DUS2: variants seen among roughly 807,000 people sequenced by gnomAD.
DUS2 encodes the protein tRNA-dihydrouridine(20) synthase [NAD(P)+]-like.
In DUS2, 52 loss-of-function variants were observed where a neutral mutation model predicts 71.3. That is an observed-to-expected ratio of 0.73 (90% CI 0.58 to 0.92). The LOEUF (loss-of-function observed/expected upper bound fraction) is 0.92. DUS2 is among the 40% of genes least tolerant of loss of function. DUS2 has a pLI of 0.00. For missense variants in DUS2, 558 were observed against 622.6 expected (o/e 0.90, Z 1.10); for synonymous variants, 204 against 227.8 (o/e 0.90, Z 0.94).
At chr16:68,045,362 T>C (rs960837890) in intron 3 of DUS2, among the ~76,000 whole-genome samples, 2 of 151,808 alleles carry the variant, frequency 1.3e-5, no homozygotes, top group East Asian at 2.0e-4. Flanking sequence ...TCCCAGCACT[T>C]TGGGAGACCG....
At chr16:68,054,155 G>GTAACAAT (rs1468985014) in intron 5 of DUS2, 2 of 206,590 alleles carry the variant, frequency 9.7e-6, no homozygotes, top group Non-Finnish European at 9.8e-6. Flanking sequence ...TGTTAACAAT[G>GTAACAAT]GGTAACCATG....
intron 7 of DUS2, among the ~76,000 whole-genome samples, chr16:68,059,456 G>T (rs1159498207): frequency 6.6e-6 from 1 of 152,186 alleles, no homozygotes; most frequent in East Asian, 1.9e-4. Flanking sequence ...GGCTGGATAC[G>T]TGTGAGTGGA....
intron 2 of DUS2, among the ~76,000 whole-genome samples, chr16:68,031,723 C>G (rs1388930334): frequency 6.6e-6 from 1 of 151,904 alleles, no homozygotes; most frequent in Non-Finnish European, 1.5e-5. Flanking sequence ...GAGATGGAAT[C>G]TCACTCTGTT....
At chr16:68,035,882 TTTTATATATATATATATATATATATA>T (rs1567470015) in intron 2 of DUS2, among the ~76,000 whole-genome samples, 1 of 75,218 alleles carries the variant, frequency 1.3e-5, no homozygotes, top group East Asian at 3.3e-4. Flanking sequence ...ATCCCGCTAA[TTTTATATATATATATATATATATATA>T]TATATATATA....
intron 2 of DUS2, among the ~76,000 whole-genome samples, chr16:68,025,795 T>C (rs2033339990): frequency 6.6e-6 from 1 of 152,134 alleles, no homozygotes; most frequent in South Asian, 2.1e-4. Context: ...GGTATCCTTA[T>C]TGTGAAAAAA....
chr16:68,026,298 T>A (rs2033349134), intron 2 of DUS2, among the ~76,000 whole-genome samples: 1 of 152,042 alleles, frequency 6.6e-6, no homozygotes, highest in African/African-American at 2.4e-5. Context: ...GCCGAGAAAT[T>A]GGTATTTTTA....
intron 13 of DUS2, 100 bp from the exon 14 acceptor site, chr16:68,075,255 T>G (rs1358393224): frequency 8.3e-7 from 1 of 1,205,766 alleles, no homozygotes; most frequent in African/African-American, 1.5e-5. Flanking sequence ...TTGGTGTATG[T>G]GGTAGAGGAG....
At chr16:68,062,490 C>T (rs1207945141) in intron 8 of DUS2, among the ~76,000 whole-genome samples, 1 of 151,732 alleles carries the variant, frequency 6.6e-6, no homozygotes, top group African/African-American at 2.4e-5. Context: ...GAGGCTGAGG[C>T]GGGCAGATCA....
rs536595606 is a variant in DUS2, at chr16:68,074,072, C to T, written c.849C>T (p.Tyr283=). The T allele has an allele frequency of 6.2e-7, 1 of 1,614,218 alleles. No individual in the cohort carries two copies. The highest frequency in any genetic ancestry group is 8.5e-7 in the Non-Finnish European group (1 of 1,180,022). The change falls in exon 13 of 17, where the codon TAC becomes TAT. Residue 283 remains tyrosine, a synonymous_variant. Coordinates refer to ENST00000565263, the MANE Select transcript of DUS2 (RefSeq NM_017803.5). ...ACAACCACTACACCAACACCAAGTACTGCTTGTGCCAGATGCTACGAGAAC... is the reference window on the plus strand; with the variant it reads ...ACAACCACTACACCAACACCAAGTATTGCTTGTGCCAGATGCTACGAGAAC... The part of the protein sequence containing the change: ...QYDNHYTNTK[Y]CLCQMLREQL...
Position 68,070,139 on chromosome 16 carries a change from G to T in DUS2, c.560G>T (p.Arg187Leu). ...CCCATCTTTCTATCTCCAAGGAAGC[G>T]GGAGGAGCGACCTCAGCATCCTGTC... is the stretch of plus-strand genomic sequence containing the variant. ...IAAIAVHGRK[R>L]EERPQHPVSC... The change falls in exon 11 of 17, where the codon CGG becomes CTG. Residue 187 changes from arginine to leucine, a missense_variant. By Grantham distance (102) the Arg-to-Leu change is moderately radical (BLOSUM62 -2). Transcript: ENST00000565263. 1.2e-6 allele frequency: 2 copies of T among 1,614,010 alleles called. No homozygotes were observed. Among genetic ancestry groups the T allele is most frequent in the Non-Finnish European group, 8.5e-7 (1 of 1,179,932 alleles).
At chr16:68,032,534 A>T (rs918606757) in intron 2 of DUS2, among the ~76,000 whole-genome samples, 1 of 152,170 alleles carries the variant, frequency 6.6e-6, no homozygotes, top group African/African-American at 2.4e-5. Context: ...TTCTGTAGGG[A>T]CGTATCTTCA....
chr16:68,072,709 G>T (rs1384841176), intron 12 of DUS2, among the ~76,000 whole-genome samples: 2 of 152,176 alleles, frequency 1.3e-5, no homozygotes, highest in Non-Finnish European at 2.9e-5. Flanking sequence ...ATAGGGGGTG[G>T]GGGATGGGAG....
chr16:68,025,620 G>C (rs566471612), intron 2 of DUS2, 126 bp downstream of exon 2: 2 of 152,162 alleles, frequency 1.3e-5, no homozygotes, highest in Admixed American at 1.3e-4. Context: ...AATTTCACAG[G>C]AGTTAGAGCT....
At chr16:68,063,912 G>A (rs2033973233) in intron 8 of DUS2, among the ~76,000 whole-genome samples, 1 of 152,042 alleles carries the variant, frequency 6.6e-6, no homozygotes, top group Non-Finnish European at 1.5e-5. Flanking sequence ...TAGTAGGTAC[G>A]GGGTTTCACC....
chr16:68,068,752 CTT>C (rs1160464857), intron 10 of DUS2, among the ~76,000 whole-genome samples: 1,378 of 112,102 alleles, frequency 0.012, 18 homozygotes, highest in African/African-American at 0.042. Flanking sequence ...CCATGCCTGG[CTT>C]TTTTTTTTTT....
chr16:68,047,030 G>A (rs1239396085), intron 3 of DUS2, among the ~76,000 whole-genome samples: 7 of 147,926 alleles, frequency 4.7e-5, no homozygotes, highest in Admixed American at 2.7e-4. Context: ...GATTACAGGC[G>A]TGAGCCACCA....
At chr16:68,072,946 C>T (rs983202651) in intron 12 of DUS2, among the ~76,000 whole-genome samples, 3 of 152,168 alleles carry the variant, frequency 2.0e-5, no homozygotes, top group Non-Finnish European at 2.9e-5. Context: ...GTTTTACCCA[C>T]GTAGGGGGAA....
At chr16:68,032,192 G>A (rs1007834468) in intron 2 of DUS2, among the ~76,000 whole-genome samples, 2 of 152,198 alleles carry the variant, frequency 1.3e-5, no homozygotes, top group Admixed American at 6.5e-5. Flanking sequence ...GGCAGGGTGT[G>A]TCAGGCACCT....
intron 14 of DUS2, 100 bp from the exon 15 acceptor site, chr16:68,076,532 T>G: frequency 1.2e-6 from 1 of 859,778 alleles, no homozygotes; most frequent in Non-Finnish European, 1.9e-6. Flanking sequence ...TCTCAGTTCC[T>G]CTCATTTCTG....
Sources: allele counts gnomAD v4.1 joint callset (sites outside exome capture counted in the v4.1 genomes callset), GRCh38; gene constraint gnomAD v4.1.1; transcripts MANE v1.5; gene names NCBI Gene and HGNC (gene_info 2026-07-23, HGNC 2026-07-21).